Variants in SMYD3 observed in about 807,000 individuals in gnomAD.
The protein encoded by SMYD3 is histone-lysine N-methyltransferase SMYD3.
Under a neutral mutation model 57.7 loss-of-function variants are expected in SMYD3, and 36 were observed. That is an observed-to-expected ratio of 0.62 (90% CI 0.48 to 0.82). The LOEUF is 0.82. Ranked by LOEUF, SMYD3 falls within the 40% of genes least tolerant of loss-of-function variation. The pLI, the probability that SMYD3 is intolerant of heterozygous loss-of-function variation, is 0.00. For missense variants in SMYD3, 515 were observed against 538.8 expected, an observed-to-expected ratio of 0.96 and a Z score of 0.44; for synonymous variants, 211 against 195.0, an observed-to-expected ratio of 1.08 and a Z score of -0.68.
At chr1:245,924,463 G>C (rs935953690) in intron 7 of SMYD3, among the ~76,000 whole-genome samples, 2 of 152,024 alleles carry the variant, frequency 1.3e-5, no homozygotes, top group Admixed American at 1.3e-4. Flanking sequence ...AGAAACATGG[G>C]GTGAGAAATT....
intron 5 of SMYD3, among the ~76,000 whole-genome samples, chr1:246,266,222 C>CT (rs1222327194): frequency 2.0e-5 from 3 of 151,884 alleles, no homozygotes; most frequent in East Asian, 1.9e-4. Context: ...GTTTGGCTTT[C>CT]TTTTTTTGTA....
chr1:245,833,073 A>ACAAACAAAAAAAAAAAAACACAAC lies in SMYD3; in HGVS notation c.1076+25422_1076+25423insGTTGTGTTTTTTTTTTTTTGTTTG, dbSNP rs1553337078. On this transcript the variant is annotated intron_variant, in intron 10 of 11. Coordinates refer to ENST00000490107, the MANE Select transcript of SMYD3 (RefSeq NM_001167740.2). ...GGAATATGTGACAAAAAAAAAAAAA[A>ACAAACAAAAAAAAAAAAACACAAC]AACCTGCTTTTATAATGCTGATTCA... Among the ~76,000 whole-genome samples, 10 of 128,652 alleles carry ACAAACAAAAAAAAAAAAACACAAC rather than the reference A, an allele frequency of 7.8e-5. 1 individual carries two copies. Among genetic ancestry groups the ACAAACAAAAAAAAAAAAACACAAC allele is most frequent in the Non-Finnish European group, 1.6e-4 (10 of 63,244 alleles). 84.4% of individuals were successfully genotyped at this position (128,652 alleles called of 152,430 possible).
chr1:246,496,662 T>C (rs1024084600), intron 1 of SMYD3, among the ~76,000 whole-genome samples: 1 of 152,018 alleles, frequency 6.6e-6, no homozygotes, highest in Admixed American at 6.6e-5. Flanking sequence ...ACCCCATCTC[T>C]ACAAAAAATA....
intron 5 of SMYD3, among the ~76,000 whole-genome samples, chr1:246,128,796 T>C (rs917764875): frequency 6.6e-6 from 1 of 152,050 alleles, no homozygotes; most frequent in African/African-American, 2.4e-5. Context: ...TTGTGTGCTT[T>C]TTTGGTTTTG....
intron 5 of SMYD3, among the ~76,000 whole-genome samples, chr1:246,248,959 C>T (rs917813301): frequency 1.3e-5 from 2 of 149,176 alleles, no homozygotes; most frequent in African/African-American, 4.9e-5. Flanking sequence ...CCCAGCCGCT[C>T]TCTGACTTCT....
intron 5 of SMYD3, among the ~76,000 whole-genome samples, chr1:246,152,490 C>G (rs1558271763): frequency 2.0e-5 from 3 of 152,230 alleles, no homozygotes. Context: ...TCTAGCTGCT[C>G]ACTCAGAGCA....
intron 5 of SMYD3, among the ~76,000 whole-genome samples, chr1:246,241,690 C>G (rs1157164878): frequency 6.6e-6 from 1 of 152,074 alleles, no homozygotes; most frequent in African/African-American, 2.4e-5. Flanking sequence ...CTTTGTACCT[C>G]TGGTAGAATT....
At chr1:246,078,797 T>C (rs910549257) in intron 5 of SMYD3, among the ~76,000 whole-genome samples, 3 of 152,162 alleles carry the variant, frequency 2.0e-5, no homozygotes, top group Non-Finnish European at 4.4e-5. Flanking sequence ...ACTGACTGAA[T>C]GTAAAGATAA....
At chr1:246,419,483 G>A (rs6680446) in intron 1 of SMYD3, among the ~76,000 whole-genome samples, 43,551 of 152,058 alleles carry the variant, frequency 0.29, 6,487 homozygotes, top group Middle Eastern at 0.39. Flanking sequence ...GGATGGGGGC[G>A]TGGTAGACCA....
chr1:245,924,256 A>ATGACT (rs1233816101), intron 7 of SMYD3, among the ~76,000 whole-genome samples: 11 of 152,298 alleles, frequency 7.2e-5, no homozygotes, highest in African/African-American at 2.2e-4. Flanking sequence ...CAAGTGAGCC[A>ATGACT]TGACTTAAAT....
intron 5 of SMYD3, among the ~76,000 whole-genome samples, chr1:246,136,021 C>T (rs1538301): frequency 0.015 from 2,345 of 152,266 alleles, 59 homozygotes; most frequent in African/African-American, 0.052. Context: ...TCTGGCAGTG[C>T]CTGCTGATAA....
rs139397519 is a variant in SMYD3, at chr1:245,983,972, T to C, written c.532-54035A>G. 8.5e-5 allele frequency among the ~76,000 whole-genome samples: 13 copies of C among 152,194 alleles called. No individual in the cohort carries two copies. In the East Asian group the frequency reaches 9.7e-4, roughly 11 times the overall value. ...TCCAAAACCTTAAATGTGTATTTCATTTGAGTAAACTCAATCAAGTCTACT... is the reference window on the plus strand; with the variant it reads ...TCCAAAACCTTAAATGTGTATTTCACTTGAGTAAACTCAATCAAGTCTACT... On this transcript the variant is annotated intron_variant, in intron 5 of 11. Transcript: ENST00000490107.
chr1:246,455,384 C>T (rs999745961), intron 1 of SMYD3, among the ~76,000 whole-genome samples: 1 of 152,156 alleles, frequency 6.6e-6, no homozygotes, highest in Non-Finnish European at 1.5e-5. Context: ...ATTGAATGTA[C>T]ATCAAGAAAT....
intron 10 of SMYD3, among the ~76,000 whole-genome samples, chr1:245,809,422 A>G (rs1037150753): frequency 6.6e-6 from 1 of 152,174 alleles, no homozygotes; most frequent in African/African-American, 2.4e-5. Flanking sequence ...CCACAGAGAA[A>G]GCAGGAGAGG....
chr1:245,846,332 G>A (rs1303172690), intron 10 of SMYD3, among the ~76,000 whole-genome samples: 1 of 152,234 alleles, frequency 6.6e-6, no homozygotes, highest in East Asian at 1.9e-4. Flanking sequence ...TACTCTGCGT[G>A]AAGGTGCTCA....
intron 5 of SMYD3, among the ~76,000 whole-genome samples, chr1:246,064,076 A>C (rs867883016): frequency 1.3e-5 from 2 of 152,114 alleles, no homozygotes; most frequent in African/African-American, 4.8e-5. Context: ...AAATCCTGTC[A>C]ATTTTGCTCC....
intron 5 of SMYD3, among the ~76,000 whole-genome samples, chr1:246,066,126 A>C (rs192547754): frequency 6.6e-6 from 1 of 152,328 alleles, no homozygotes; most frequent in East Asian, 1.9e-4. Context: ...CACCACATAA[A>C]TGTCTAAAGT....
At chr1:245,833,059 CA>C (rs35215737) in intron 10 of SMYD3, among the ~76,000 whole-genome samples, 12,911 of 40,852 alleles carry the variant, frequency 0.32, 1,494 homozygotes, top group East Asian at 0.56. Context: ...GAATATGTGA[CA>C]AAAAAAAAAA....
chr1:245,905,913 A>G (rs1296579868), intron 8 of SMYD3, among the ~76,000 whole-genome samples: 2 of 152,268 alleles, frequency 1.3e-5, no homozygotes, highest in Non-Finnish European at 2.9e-5. Flanking sequence ...CTCTTCAATA[A>G]ATGATGCTGG....
Sources: allele counts gnomAD v4.1 joint callset (sites outside exome capture counted in the v4.1 genomes callset), GRCh38; gene constraint gnomAD v4.1.1; transcripts MANE v1.5; gene names NCBI Gene and HGNC (gene_info 2026-07-23, HGNC 2026-07-21).